Variants in PFDN2 observed in about 807,000 individuals in gnomAD.
PFDN2 encodes the protein prefoldin 2.
Under a neutral mutation model 18.3 loss-of-function variants are expected in PFDN2, and 7 were observed. That is an observed-to-expected ratio of 0.38 (90% CI 0.22 to 0.72). PFDN2 has a LOEUF of 0.72. PFDN2 is among the 30% of genes least tolerant of loss of function. The pLI, the probability that PFDN2 is intolerant of heterozygous loss-of-function variation, is 0.47. For missense variants in PFDN2, 181 were observed against 199.1 expected (o/e 0.91, Z 0.55); for synonymous variants, 76 against 75.0 (o/e 1.01, Z -0.07).
chr1:161,115,242 T>C (rs1369936207), intron 1 of PFDN2, among the ~76,000 whole-genome samples: 1 of 152,190 alleles, frequency 6.6e-6, no homozygotes, highest in Non-Finnish European at 1.5e-5. Context: ...TTTTTTATTT[T>C]TAGTAGCGAT....
chr1:161,114,141 G>T (rs916616849), intron 1 of PFDN2, among the ~76,000 whole-genome samples: 1 of 152,248 alleles, frequency 6.6e-6, no homozygotes, highest in African/African-American at 2.4e-5. Flanking sequence ...TCTCAAATCT[G>T]TATCTCCAAC....
chr1:161,103,958 A>G (rs1305282582), intron 1 of PFDN2, among the ~76,000 whole-genome samples: 3 of 152,116 alleles, frequency 2.0e-5, no homozygotes, highest in African/African-American at 7.2e-5. Flanking sequence ...CCATGGCTAT[A>G]TGTTAGAATC....
At chr1:161,116,291 G>A (rs555817916) in intron 1 of PFDN2, among the ~76,000 whole-genome samples, 24 of 152,232 alleles carry the variant, frequency 1.6e-4, no homozygotes, top group African/African-American at 5.5e-4. Context: ...CAAGGCAGGC[G>A]GATCACTTGA....
At chr1:161,116,682 T>C (rs151289974) in intron 1 of PFDN2, among the ~76,000 whole-genome samples, 286 of 151,864 alleles carry the variant, frequency 1.9e-3, no homozygotes, top group Non-Finnish European at 3.4e-3. Flanking sequence ...GAGACCAGCA[T>C]GGGCAACATG....
intron 1 of PFDN2, among the ~76,000 whole-genome samples, chr1:161,108,518 C>G (rs1654733537): frequency 6.7e-6 from 1 of 149,454 alleles, no homozygotes; most frequent in Non-Finnish European, 1.5e-5. Flanking sequence ...TGAGCTGAGA[C>G]TGCGCCACTG....
chr1:161,101,089 T>C (rs901704558), intron 3 of PFDN2, among the ~76,000 whole-genome samples: 1 of 152,208 alleles, frequency 6.6e-6, no homozygotes, highest in African/African-American at 2.4e-5. Flanking sequence ...AAGTTCCTAC[T>C]ATGTTACCCA....
chr1:161,105,449 A>T (rs1654658608), intron 1 of PFDN2, among the ~76,000 whole-genome samples: 1 of 151,490 alleles, frequency 6.6e-6, no homozygotes. Context: ...ACAGGAATCT[A>T]CTTTTCTTTT....
chr1:161,117,840 T>C (rs1165782566), intron 1 of PFDN2, 112 bp downstream of exon 1: 3 of 972,256 alleles, frequency 3.1e-6, no homozygotes, highest in Non-Finnish European at 4.5e-6. Context: ...CCTCTCTAGG[T>C]GCCACGCACA....
intron 1 of PFDN2, among the ~76,000 whole-genome samples, chr1:161,112,839 G>T (rs932948163): frequency 6.6e-6 from 1 of 150,896 alleles, no homozygotes; most frequent in Non-Finnish European, 1.5e-5. Flanking sequence ...ATACTATTAG[G>T]CTTAAAAAAC....
chr1:161,111,269 T>C (rs1654804477), intron 1 of PFDN2, among the ~76,000 whole-genome samples: 2 of 152,138 alleles, frequency 1.3e-5, no homozygotes, highest in Admixed American at 1.3e-4. Context: ...AACCCAAACT[T>C]CTTATTCTGA....
At chr1:161,117,738 G>A (rs1265604347) in intron 1 of PFDN2, among the ~76,000 whole-genome samples, 2 of 152,162 alleles carry the variant, frequency 1.3e-5, no homozygotes, top group East Asian at 3.8e-4. Context: ...CCCTTGCTCA[G>A]GCTCACCCAC....
At chr1:161,114,460 T>C (rs1654866762) in intron 1 of PFDN2, among the ~76,000 whole-genome samples, 1 of 152,246 alleles carries the variant, frequency 6.6e-6, no homozygotes, top group Non-Finnish European at 1.5e-5. Flanking sequence ...GGAACACATT[T>C]ATTCCCTCTA....
chr1:161,116,736 G>A (rs1047491846), intron 1 of PFDN2, among the ~76,000 whole-genome samples: 4 of 151,826 alleles, frequency 2.6e-5, no homozygotes, highest in South Asian at 2.1e-4. Flanking sequence ...GTGGTGGTGC[G>A]GGCATGTAAT....
chr1:161,110,632 A>C (rs1654783783), intron 1 of PFDN2, among the ~76,000 whole-genome samples: 1 of 152,162 alleles, frequency 6.6e-6, no homozygotes, highest in Non-Finnish European at 1.5e-5. Flanking sequence ...ATAGAAGAAT[A>C]GAAGAGGTAG....
intron 1 of PFDN2, 35 bp from the exon 2 acceptor site, chr1:161,102,410 A>G: frequency 6.5e-7 from 1 of 1,541,156 alleles, no homozygotes; most frequent in Non-Finnish European, 9.0e-7. Context: ...AAGAGGGGAT[A>G]GTGGAAATGG....
rs1420987659 is a variant in PFDN2 at position 161,101,346 on chromosome 1, CCCA to C, written c.289-490_289-488del. Among the ~76,000 whole-genome samples the C allele has an allele frequency of 5.9e-5, 9 of 152,018 alleles. No individual in the cohort carries two copies. The East Asian group carries it at 1.7e-3, about 29-fold the overall frequency. Reference sequence around the variant, plus strand: ...TCCCGAGTAGCTAGGACCACAGGCGCCCACCACAACGCCCAGCCAATTTTTCGT... The same window carrying C: ...TCCCGAGTAGCTAGGACCACAGGCGCCCACAACGCCCAGCCAATTTTTCGT... On this transcript the variant is annotated intron_variant, in intron 3 of 3. Transcript: ENST00000368010.
chr1:161,117,892 C>A, intron 1 of PFDN2, 60 bp downstream of exon 1: 1 of 1,410,316 alleles, frequency 7.1e-7, no homozygotes, highest in South Asian at 1.3e-5. Flanking sequence ...ACAGGCTCCC[C>A]CTTCTCGCTA....
chr1:161,108,802 G>A (rs1654741999), intron 1 of PFDN2, among the ~76,000 whole-genome samples: 1 of 152,046 alleles, frequency 6.6e-6, no homozygotes, highest in South Asian at 2.1e-4. Flanking sequence ...AGCCCTAATG[G>A]TAACTTTTAT....
At chr1:161,114,205 T>G (rs776661968) in intron 1 of PFDN2, among the ~76,000 whole-genome samples, 16 of 152,222 alleles carry the variant, frequency 1.1e-4, no homozygotes, top group Non-Finnish European at 2.2e-4. Context: ...TACTGAATGT[T>G]TAACCTGGGT....
Sources: gnomAD v4.1 joint callset for allele counts (sites outside exome capture counted in the v4.1 genomes callset) on GRCh38, gnomAD v4.1.1 for gene constraint, MANE v1.5 for transcripts, NCBI Gene and HGNC (gene_info 2026-07-23, HGNC 2026-07-21) for gene names.